The following CHN1 variants were observed in gnomAD, a reference collection of about 807,000 sequenced individuals.
CHN1 encodes N-chimaerin.
In CHN1, 37 loss-of-function variants were observed where a neutral mutation model predicts 59.5. The observed-to-expected ratio is 0.62, with a 90% CI of 0.48 to 0.82. The LOEUF (loss-of-function observed/expected upper bound fraction) is 0.82. Ranked by LOEUF, CHN1 falls within the 40% of genes least tolerant of loss-of-function variation. CHN1 has a pLI of 0.00. For synonymous variants in CHN1, 206 were observed against 200.4 expected (o/e 1.03, Z -0.24); for missense variants, 469 against 571.0 (o/e 0.82, Z 1.82).
At chr2:174,808,834 C>A in intron 11 of CHN1, 71 bp downstream of exon 11, 1 of 1,523,214 alleles carries the variant, frequency 6.6e-7, no homozygotes, top group African/African-American at 1.4e-5. Context: ...TTCAAGTTAG[C>A]CAGAAAACCA....
chr2:174,835,573 A>ATT (rs538596347), intron 7 of CHN1, among the ~76,000 whole-genome samples: 2 of 97,486 alleles, frequency 2.1e-5, no homozygotes, highest in African/African-American at 3.9e-5. Context: ...TGTTGTGTTC[A>ATT]TTTTTTTTTT....
chr2:174,840,436 G>C (rs951211654), intron 7 of CHN1, among the ~76,000 whole-genome samples: 1 of 152,092 alleles, frequency 6.6e-6, no homozygotes, highest in Non-Finnish European at 1.5e-5. Flanking sequence ...AAAGTGTAGG[G>C]ATTACAGGCA....
At chr2:174,976,095 T>C (rs1690916940) in intron 1 of CHN1, among the ~76,000 whole-genome samples, 1 of 116,106 alleles carries the variant, frequency 8.6e-6, no homozygotes, top group South Asian at 3.0e-4. Flanking sequence ...CACTGCTCTG[T>C]AGCCTGGGCC....
intron 5 of CHN1, among the ~76,000 whole-genome samples, chr2:174,914,075 A>G (rs1432342262): frequency 6.6e-6 from 1 of 152,248 alleles, no homozygotes; most frequent in Non-Finnish European, 1.5e-5. Context: ...TAGCAGCAGC[A>G]CAAGTTATTA....
intron 5 of CHN1, among the ~76,000 whole-genome samples, chr2:174,889,866 C>A (rs1687995283): frequency 6.6e-6 from 1 of 150,990 alleles, no homozygotes; most frequent in South Asian, 2.1e-4. Flanking sequence ...AGAATTCTAA[C>A]CAGAATAAAT....
At position 174,918,572 on chromosome 2, in the gene CHN1, G is replaced by C; in HGVS notation, c.115-7C>G. On this transcript the variant is annotated splice_region_variant and splice_polypyrimidine_tract_variant and intron_variant, in intron 3 of 12. Transcript: ENST00000409900. ...ACTTTGGTCTGTTTTCCACCTATTG[G>C]GAAAGCAAAAAAACAGGCATATTTG... 4.4e-6 allele frequency: 7 copies of C among 1,583,904 alleles called. No individual in the cohort carries two copies. The highest frequency in any genetic ancestry group is 6.0e-6 in the Non-Finnish European group (7 of 1,164,482).
chr2:174,927,378 A>C (rs1689206815), intron 3 of CHN1, among the ~76,000 whole-genome samples: 1 of 152,182 alleles, frequency 6.6e-6, no homozygotes, highest in African/African-American at 2.4e-5. Flanking sequence ...ATACATAAAC[A>C]TTTTAATCTA....
At position 174,878,036 on chromosome 2, in the gene CHN1, G is replaced by A; in HGVS notation, c.353C>T (p.Thr118Ile). The change falls in exon 6 of 13, where the codon ACT becomes ATT. Residue 118 changes from threonine to isoleucine, a missense_variant. By Grantham distance (89) the Thr-to-Ile change is moderately conservative. This residue lies in a region of CHN1 where 152 missense variants were observed against 166.1 expected (regional missense o/e 0.92). Transcript: ENST00000409900. ...AATATAGAGAGTAATCAAGCCATCA[G>A]TCACCAGATCGTGGATGGACTCAAA... ...KRFESIHDLV[T>I]DGLITLYIET... is the part of the protein sequence containing the mutation. The A allele has an allele frequency of 1.2e-6, 2 of 1,613,870 alleles. No homozygotes were observed. The highest frequency in any genetic ancestry group is 1.7e-6 in the Non-Finnish European group (2 of 1,179,792).
At chr2:174,982,262 G>A (rs762840829) in intron 1 of CHN1, among the ~76,000 whole-genome samples, 2 of 152,158 alleles carry the variant, frequency 1.3e-5, no homozygotes, top group Non-Finnish European at 2.9e-5. Flanking sequence ...AAACATACAT[G>A]TGCATGTGTC....
At chr2:174,856,249 G>A (rs1174316670) in intron 6 of CHN1, among the ~76,000 whole-genome samples, 1 of 152,050 alleles carries the variant, frequency 6.6e-6, no homozygotes, top group Non-Finnish European at 1.5e-5. Context: ...CATTATGCTA[G>A]GACTCAATTT....
rs1687039572 is a variant in CHN1 at position 174,860,566 on chromosome 2, T to TTA, written c.550-13611_550-13610dup. ...CAGCATACATTTTATTGAGTATCTA[T>TTA]TATATGCTAGGCACTAATGAAACTG... On this transcript the variant is annotated intron_variant, in intron 6 of 12. Coordinates refer to ENST00000409900, the MANE Select transcript of CHN1 (RefSeq NM_001822.7). 2.0e-5 allele frequency among the ~76,000 whole-genome samples: 3 copies of TTA among 152,294 alleles called. No individual in the cohort carries two copies. In the South Asian group the frequency reaches 6.2e-4, roughly 32 times the overall value.
intron 6 of CHN1, among the ~76,000 whole-genome samples, chr2:174,867,268 C>T (rs967367091): frequency 2.0e-5 from 3 of 151,226 alleles, no homozygotes; most frequent in Non-Finnish European, 2.9e-5. Context: ...CCCAGCTATT[C>T]GGGAGGCTTG....
chr2:174,917,557 TAAC>T (rs1004221804), intron 4 of CHN1, among the ~76,000 whole-genome samples: 5 of 152,148 alleles, frequency 3.3e-5, no homozygotes, highest in Non-Finnish European at 5.9e-5. Context: ...CAAAAATTTC[TAAC>T]CCCCAAGACC....
At chr2:174,801,291 A>G (rs151128351) in intron 12 of CHN1, among the ~76,000 whole-genome samples, 11 of 152,318 alleles carry the variant, frequency 7.2e-5, no homozygotes, top group African/African-American at 2.2e-4. Context: ...CCTGTCACCA[A>G]GTTTGAAGTG....
intron 10 of CHN1, among the ~76,000 whole-genome samples, chr2:174,809,959 C>T (rs899739106): frequency 6.6e-6 from 1 of 152,172 alleles, no homozygotes; most frequent in Non-Finnish European, 1.5e-5. Flanking sequence ...AGTCAGCTTT[C>T]CATTCAGTCA....
chr2:174,983,046 T>C (rs1443424946), intron 1 of CHN1, among the ~76,000 whole-genome samples: 1 of 151,912 alleles, frequency 6.6e-6, no homozygotes, highest in Non-Finnish European at 1.5e-5. Flanking sequence ...TAGTGTTAGA[T>C]GTCAGGATAG....
At chr2:174,990,262 T>TGTGTGA (rs1347961292) in intron 1 of CHN1, among the ~76,000 whole-genome samples, 112 of 89,442 alleles carry the variant, frequency 1.3e-3, no homozygotes, top group Non-Finnish European at 2.1e-3. Context: ...TGTGTGTGTG[T>TGTGTGA]GAGAGAGAGA....
chr2:174,883,618 C>A, intron 5 of CHN1, among the ~76,000 whole-genome samples: 1 of 152,118 alleles, frequency 6.6e-6, no homozygotes, highest in Non-Finnish European at 1.5e-5. Context: ...GGCCACCTGA[C>A]ATCTGAGGAA....
chr2:174,869,100 T>C (rs1330229239), intron 6 of CHN1, among the ~76,000 whole-genome samples: 1 of 152,160 alleles, frequency 6.6e-6, no homozygotes, highest in African/African-American at 2.4e-5. Flanking sequence ...TGAATCTGGC[T>C]CAGGTCCAAG....
Sources: gnomAD v4.1 joint callset for allele counts (sites outside exome capture counted in the v4.1 genomes callset) on GRCh38, gnomAD v4.1.1 for gene constraint, gnomAD v4.1.1 regional missense constraint, MANE v1.5 for transcripts, NCBI Gene and HGNC (gene_info 2026-07-23, HGNC 2026-07-21) for gene names.